Variants in ANKRD24 observed in about 807,000 individuals in gnomAD.
ANKRD24 encodes ankyrin repeat domain-containing protein 24.
Under a neutral mutation model 127.8 loss-of-function variants are expected in ANKRD24, and 109 were observed. That is an observed-to-expected ratio of 0.85 (90% CI 0.73 to 1.00). The LOEUF is 1.00. ANKRD24 is among the 50% of genes least tolerant of loss of function. The pLI is 0.00. For synonymous variants in ANKRD24, 743 were observed against 671.1 expected (o/e 1.11, Z -1.66); for missense variants, 1,648 against 1,570.2 (o/e 1.05, Z -0.84).
At position 4,208,787 on chromosome 19, in the gene ANKRD24, G is replaced by A. The variant is rs762765184; in HGVS notation, c.856G>A (p.Glu286Lys). ...PSALTEDDSG[E>K]ASSQNSMSSH... The stretch of plus-strand genomic sequence containing the variant: ...AGCCCTCACAGAGGATGATTCAGGC[G>A]AGGCGTCATCTCAGGTATGGACCCC... The change falls in exon 11 of 22, where the codon GAG becomes AAG. Residue 286 changes from glutamate to lysine, a missense_variant. Transcript: ENST00000318934. 25 of 1,613,146 alleles carry A rather than the reference G, an allele frequency of 1.5e-5. No individual in the cohort carries two copies. Among genetic ancestry groups the A allele is most frequent in the Middle Eastern group, 3.3e-4 (2 of 6,082 alleles).
intron 2 of ANKRD24, among the ~76,000 whole-genome samples, chr19:4,191,416 C>T (rs2145229416): frequency 6.6e-6 from 1 of 152,052 alleles, no homozygotes; most frequent in Admixed American, 6.6e-5. Flanking sequence ...TTTCCTGGTC[C>T]CTAACACCGG....
chr19:4,222,955 AT>A (rs985587952), intron 20 of ANKRD24, among the ~76,000 whole-genome samples, 160 bp downstream of exon 20: 2 of 151,770 alleles, frequency 1.3e-5, no homozygotes, highest in African/African-American at 4.8e-5. Context: ...TACTTCCTTT[AT>A]TTTTTTTGAG....
chr19:4,215,111 A>C (rs1296360843), intron 15 of ANKRD24, among the ~76,000 whole-genome samples: 1 of 152,232 alleles, frequency 6.6e-6, no homozygotes, highest in Admixed American at 6.5e-5. Context: ...GGATGCTGGC[A>C]TACACCATGC....
intron 2 of ANKRD24, among the ~76,000 whole-genome samples, chr19:4,190,522 C>T (rs1357718313): frequency 2.0e-5 from 3 of 151,246 alleles, no homozygotes; most frequent in Admixed American, 1.3e-4. Flanking sequence ...GTCAGGAGTT[C>T]GAGACCAGCC....
In ANKRD24 at chr19:4,216,779, G is replaced by A; in HGVS notation, c.1619G>A (p.Gly540Glu). The A allele has an allele frequency of 6.3e-7, 1 of 1,596,960 alleles. No individual in the cohort carries two copies. Among genetic ancestry groups the A allele is most frequent in the East Asian group, 2.3e-5 (1 of 43,966 alleles). ...EVAGATATKN[G>E]PTHMELNGSV... ...GCTGGAGCCACGGCCACCAAAAACGGGCCAACCCACATGGAGCTAAATGGC... is the reference window on the plus strand; with the variant it reads ...GCTGGAGCCACGGCCACCAAAAACGAGCCAACCCACATGGAGCTAAATGGC... Residue 540 changes from glycine (G) to glutamate (E), a missense_variant, in exon 18 of 22, where the codon GGG (glycine) becomes GAG (glutamate). Gly to Glu is a moderately conservative substitution (Grantham distance 98, BLOSUM62 -2). Coordinates refer to ENST00000318934, the MANE Select transcript of ANKRD24 (RefSeq NM_001393985.1).
intron 5 of ANKRD24, among the ~76,000 whole-genome samples, chr19:4,201,175 T>C (rs1201767573): frequency 6.6e-6 from 1 of 151,838 alleles, no homozygotes; most frequent in East Asian, 1.9e-4. Flanking sequence ...ACTGGAGACC[T>C]GGGGGGAATA....
chr19:4,199,747 C>T lies in ANKRD24; in HGVS notation c.101C>T (p.Pro34Leu), dbSNP rs1475684729. Residue 34 changes from proline (P) to leucine (L), a missense_variant, in exon 3 of 22, where the codon CCG (proline) becomes CTG (leucine). Coordinates refer to ENST00000318934, the MANE Select transcript of ANKRD24 (RefSeq NM_001393985.1). This position sits in a 1 kb window ranked among gnomAD's most constrained non-coding sequence, Gnocchi z 5.2. ...TGCGGCCCCTGCCCCATCCCGAAGC[C>T]GGCAGCCAGAGGCAGGCGCCAGGCA... The part of the protein sequence containing the change: ...PPCGPCPIPK[P>L]AARGRRQSQD... The T allele has an allele frequency of 1.8e-5, 27 of 1,538,014 alleles. No individual in the cohort carries two copies. Among genetic ancestry groups the T allele is most frequent in the Middle Eastern group, 1.9e-4 (1 of 5,176 alleles).
intron 1 of ANKRD24, among the ~76,000 whole-genome samples, chr19:4,184,570 C>G (rs971434909): frequency 6.6e-6 from 1 of 152,228 alleles, no homozygotes; most frequent in African/African-American, 2.4e-5. Context: ...ATCACCTCTT[C>G]CAGCAAGCAG....
chr19:4,198,667 G>GA lies in ANKRD24; in HGVS notation c.37-1016_37-1015insA, dbSNP rs1415839530. On this transcript the variant is annotated intron_variant, in intron 2 of 21. Coordinates refer to ENST00000318934, the MANE Select transcript of ANKRD24 (RefSeq NM_001393985.1). The surrounding 1 kb of genome is among the most constrained non-coding windows in gnomAD (Gnocchi z 6.1). The stretch of plus-strand genomic sequence containing the variant: ...AAGATGGTCGGCGGCGGGGGGTGGG[G>GA]GGGAACAGAGGTTGGGGCAGCTTTT... 2.5e-6 allele frequency: 1 copy of GA among 403,028 alleles called. No individual in the cohort carries two copies. Among genetic ancestry groups the GA allele is most frequent in the African/African-American group, 2.1e-5 (1 of 48,312 alleles). 25.0% of individuals were successfully genotyped at this position (403,028 alleles called of 1,614,324 possible).
At chr19:4,223,806 C>T (rs8112510) in intron 20 of ANKRD24, among the ~76,000 whole-genome samples, 9,824 of 151,844 alleles carry the variant, frequency 0.065, 901 homozygotes, top group African/African-American at 0.21. Context: ...CCCTGTTATC[C>T]GCCCGCCTTG....
At chr19:4,188,532 C>T (rs1045071384) in intron 2 of ANKRD24, among the ~76,000 whole-genome samples, 1 of 151,330 alleles carries the variant, frequency 6.6e-6, no homozygotes, top group Non-Finnish European at 1.5e-5. Flanking sequence ...TATAGGCGTG[C>T]ACCACCACAC....
At chr19:4,215,782 A>AG (rs983837259) in intron 15 of ANKRD24, among the ~76,000 whole-genome samples, 196 bp from the exon 16 acceptor site, 67 of 150,724 alleles carry the variant, frequency 4.4e-4, no homozygotes, top group African/African-American at 1.5e-3. Flanking sequence ...CTCCAAAAAA[A>AG]AAAAAAGTGG....
intron 1 of ANKRD24, among the ~76,000 whole-genome samples, chr19:4,185,728 A>G (rs1028182486): frequency 6.6e-6 from 1 of 152,224 alleles, no homozygotes; most frequent in Non-Finnish European, 1.5e-5. Context: ...CTGACTATGT[A>G]GCAAACATGC....
rs1199159859 is a variant in ANKRD24 at position 4,210,279 on chromosome 19, C to A, written c.966C>A (p.Ala322=). The A allele has an allele frequency of 1.3e-6, 2 of 1,587,014 alleles. No individual in the cohort carries two copies. The highest frequency in any genetic ancestry group is 1.3e-5 in the African/African-American group (1 of 74,580). ...GAGGGGAACAGGATGATCGAGATGC[C>A]TATGAGGAGATCGTGAGGCTGCGGC... The part of the protein sequence containing the change: ...ASIPMPDDRD[A]YEEIVRLRQE... Residue 322 remains alanine, a synonymous_variant, in exon 13 of 22, where the codon GCC becomes GCA. Transcript: ENST00000318934.
At chr19:4,206,453 AAAAAT>A (rs1348492436) in intron 7 of ANKRD24, among the ~76,000 whole-genome samples, 1 of 151,672 alleles carries the variant, frequency 6.6e-6, no homozygotes, top group South Asian at 2.1e-4. Flanking sequence ...CTGTCTCTAA[AAAAAT>A]AAAATAATAT....
At position 4,224,587 on chromosome 19, in the gene ANKRD24, A is replaced by C; in HGVS notation, c.*82A>C. ...TGCAGGCCCCTTGCAGACCGGCTTC[A>C]CTTGGCTTCACTTGGCCCTATCCAG... On this transcript the variant is annotated 3_prime_UTR_variant, in exon 22 of 22. Coordinates refer to ENST00000318934, the MANE Select transcript of ANKRD24 (RefSeq NM_001393985.1). 7.8e-7 allele frequency: 1 copy of C among 1,275,468 alleles called. No homozygotes were observed. The highest frequency in any genetic ancestry group is 1.1e-6 in the Non-Finnish European group (1 of 904,064). 79.0% of individuals were successfully genotyped at this position (1,275,468 alleles called of 1,614,324 possible). A position where few individuals can be genotyped will look rare whatever the true frequency, so the allele number is the denominator to read the frequency against.
Position 4,209,962 on chromosome 19 carries a change from G to A in ANKRD24, c.871-96G>A. 1.1e-5 allele frequency: 8 copies of A among 700,366 alleles called. No individual in the cohort carries two copies. In the South Asian group the frequency reaches 1.4e-4, roughly 12 times the overall value. The allele number at this position is 700,366 out of a possible 1,614,324, so 43.4% of individuals were successfully genotyped here. A position where few individuals can be genotyped will look rare whatever the true frequency, so the allele number is the denominator to read the frequency against. On this transcript the variant is annotated intron_variant, in intron 11 of 21. Transcript: ENST00000318934. ...CTGGTTCCATGTTCTCAGGAAGTCA[G>A]GCCATGGCTGGGGCTGGCTGGGTTG...
intron 2 of ANKRD24, among the ~76,000 whole-genome samples, chr19:4,193,480 C>T (rs1396435249): frequency 7.3e-6 from 1 of 137,056 alleles, no homozygotes; most frequent in African/African-American, 2.7e-5. Flanking sequence ...GGAGGTGGGA[C>T]CCAGCTGTTT....
intron 1 of ANKRD24, among the ~76,000 whole-genome samples, chr19:4,183,935 A>G (rs1480297146): frequency 1.3e-5 from 2 of 152,162 alleles, no homozygotes; most frequent in African/African-American, 4.8e-5. Flanking sequence ...ATAAATAAAG[A>G]GTGCATGAGT....
Sources: gnomAD v4.1 joint callset for allele counts (sites outside exome capture counted in the v4.1 genomes callset) on GRCh38, gnomAD v4.1.1 for gene constraint, Gnocchi (gnomAD v3.1) non-coding constraint, MANE v1.5 for transcripts, NCBI Gene and HGNC (gene_info 2026-07-23, HGNC 2026-07-21) for gene names.